The following ESRRG variants were observed in gnomAD, a reference collection of about 807,000 sequenced individuals.
ESRRG encodes estrogen-related receptor gamma.
Under a neutral mutation model 44.0 loss-of-function variants are expected in ESRRG, and 13 were observed. That is an observed-to-expected ratio of 0.30 (90% confidence interval 0.19 to 0.47). The LOEUF (loss-of-function observed/expected upper bound fraction) is 0.47. ESRRG is among the 20% of genes least tolerant of loss of function. The pLI is 1.00. For synonymous variants in ESRRG, 215 were observed against 214.6 expected (o/e 1.00, Z -0.02); for missense variants, 395 against 580.6 (o/e 0.68, Z 3.29).
intron 1 of ESRRG, among the ~76,000 whole-genome samples, chr1:217,083,826 A>G (rs1315538652): frequency 6.6e-6 from 1 of 152,228 alleles, no homozygotes; most frequent in Non-Finnish European, 1.5e-5. Context: ...AATAACTTGG[A>G]AAAATATATA....
At chr1:216,930,298 C>G (rs935935448) in intron 2 of ESRRG, among the ~76,000 whole-genome samples, 5 of 152,056 alleles carry the variant, frequency 3.3e-5, no homozygotes, top group Non-Finnish European at 5.9e-5. Context: ...GGCTCATTAC[C>G]AATTCATTCT....
At chr1:217,003,437 G>A (rs2077306090) in intron 1 of ESRRG, among the ~76,000 whole-genome samples, 1 of 151,650 alleles carries the variant, frequency 6.6e-6, no homozygotes, top group East Asian at 1.9e-4. Context: ...TTCTTAAAAT[G>A]AATCTGGGCC....
intron 2 of ESRRG, among the ~76,000 whole-genome samples, chr1:216,878,200 C>A (rs1199878668): frequency 6.6e-6 from 1 of 152,156 alleles, no homozygotes; most frequent in Admixed American, 6.5e-5. Context: ...ACTATGCCAG[C>A]TATTTCTTTA....
At chr1:216,678,929 C>T (rs1240437252) in intron 1 of ESRRG, among the ~76,000 whole-genome samples, 1 of 152,202 alleles carries the variant, frequency 6.6e-6, no homozygotes, top group Non-Finnish European at 1.5e-5. Context: ...TCCAGGTCCT[C>T]CATTGTTCTG....
At chr1:217,114,519 T>C (rs1459431434) in intron 1 of ESRRG, among the ~76,000 whole-genome samples, 1 of 152,084 alleles carries the variant, frequency 6.6e-6, no homozygotes, top group East Asian at 1.9e-4. Flanking sequence ...GCTTCTTCAT[T>C]CCAATTGTAC....
chr1:216,889,824 T>C (rs1272937414), intron 2 of ESRRG, among the ~76,000 whole-genome samples: 1 of 152,226 alleles, frequency 6.6e-6, no homozygotes, highest in Non-Finnish European at 1.5e-5. Flanking sequence ...CATTTAAGTA[T>C]AATAATTATT....
intron 3 of ESRRG, among the ~76,000 whole-genome samples, chr1:216,589,807 G>A (rs563515928): frequency 2.7e-4 from 39 of 144,582 alleles, no homozygotes; most frequent in Non-Finnish European, 4.9e-4. Context: ...GAGAGGCTGA[G>A]GCAGAAGAAT....
At chr1:217,093,457 G>T (rs1014978805), upstream of ESRRG, among the ~76,000 whole-genome samples, 1 of 133,272 alleles carries the variant, frequency 7.5e-6, no homozygotes, top group African/African-American at 2.5e-5. Flanking sequence ...AGAGTTAAAG[G>T]CAGCTCAGGA....
chr1:216,866,656 G>T (rs1215729464), intron 2 of ESRRG, among the ~76,000 whole-genome samples: 1 of 150,874 alleles, frequency 6.6e-6, no homozygotes, highest in Non-Finnish European at 1.5e-5. Flanking sequence ...TTGCAGTCTT[G>T]ACCTCCTAGG....
At chr1:216,941,938 G>C (rs1270646757) in intron 1 of ESRRG, among the ~76,000 whole-genome samples, 1 of 152,034 alleles carries the variant, frequency 6.6e-6, no homozygotes, top group Non-Finnish European at 1.5e-5. Context: ...TTTAGATTCA[G>C]GGGGTGCATG....
At chr1:216,573,567 T>C (rs901962614) in intron 3 of ESRRG, among the ~76,000 whole-genome samples, 3 of 151,932 alleles carry the variant, frequency 2.0e-5, no homozygotes, top group African/African-American at 7.2e-5. Context: ...ATTCTGTAGG[T>C]AAACAGATTT....
chr1:216,914,167 G>T (rs1042356554), intron 2 of ESRRG, among the ~76,000 whole-genome samples: 1 of 151,734 alleles, frequency 6.6e-6, no homozygotes, highest in African/African-American at 2.4e-5. Context: ...TCTGCTATCA[G>T]CTGAAGATAA....
rs143488851 is a variant in ESRRG at position 216,704,520 on chromosome 1, T to A, written c.56+18724A>T. On this transcript the variant is annotated intron_variant, in intron 1 of 6. Transcript: ENST00000408911. ...AGACAAGAGCAAAACTCTGTCTCTC[T>A]CCAAAATAAGAGGAAGAAGGAGAAG... is the stretch of plus-strand genomic sequence containing the variant. Among the ~76,000 whole-genome samples, 658 of 151,952 alleles carry A rather than the reference T, an allele frequency of 4.3e-3. 4 individuals carry two copies. Among genetic ancestry groups the A allele is most frequent in the Non-Finnish European group, 7.6e-3 (519 of 67,976 alleles).
chr1:216,932,719 G>C (rs892303464), intron 2 of ESRRG, among the ~76,000 whole-genome samples: 1 of 70,300 alleles, frequency 1.4e-5, no homozygotes, highest in Non-Finnish European at 2.7e-5. Context: ...CACCAAACTT[G>C]TTTTTTTTTT....
intron 4 of ESRRG, among the ~76,000 whole-genome samples, chr1:216,565,060 CTG>C (rs1236586756): frequency 6.6e-6 from 1 of 152,166 alleles, no homozygotes; most frequent in Non-Finnish European, 1.5e-5. Context: ...ATTTTCTCTT[CTG>C]TGTGTCAAAT....
intron 1 of ESRRG, among the ~76,000 whole-genome samples, chr1:217,014,089 C>A (rs1199027014): frequency 6.6e-6 from 1 of 152,044 alleles, no homozygotes; most frequent in Non-Finnish European, 1.5e-5. Flanking sequence ...TTTTTTACCC[C>A]CTTTCCCTCC....
At chr1:216,733,428 G>A (rs1054465902) in intron 2 of ESRRG, among the ~76,000 whole-genome samples, 1 of 151,996 alleles carries the variant, frequency 6.6e-6, no homozygotes, top group Non-Finnish European at 1.5e-5. Context: ...TACTGCCCAC[G>A]TTCTGCCCCA....
At chr1:217,025,207 G>A (rs534482186) in intron 1 of ESRRG, among the ~76,000 whole-genome samples, 2 of 152,300 alleles carry the variant, frequency 1.3e-5, no homozygotes, top group African/African-American at 4.8e-5. Flanking sequence ...CATCCACAGA[G>A]TGCTTTTGTT....
At chr1:216,575,453 T>C (rs1433898289) in intron 3 of ESRRG, among the ~76,000 whole-genome samples, 1 of 152,148 alleles carries the variant, frequency 6.6e-6, no homozygotes, top group Non-Finnish European at 1.5e-5. Flanking sequence ...AATCAATTTG[T>C]GCATGAAGTA....
Sources: gnomAD v4.1 joint callset for allele counts (sites outside exome capture counted in the v4.1 genomes callset) on GRCh38, gnomAD v4.1.1 for gene constraint, MANE v1.5 for transcripts, NCBI Gene and HGNC (gene_info 2026-07-23, HGNC 2026-07-21) for gene names.